Variants in RORB observed in about 807,000 individuals in gnomAD.
The protein encoded by RORB is RAR related orphan receptor B.
Under a neutral mutation model 59.1 loss-of-function variants are expected in RORB, and 6 were observed. That is an observed-to-expected ratio of 0.10 (90% CI 0.06 to 0.20). The LOEUF (loss-of-function observed/expected upper bound fraction) is 0.20. Ranked by LOEUF, RORB falls within the 10% of genes least tolerant of loss-of-function variation. The pLI is 1.00. For missense variants in RORB, 320 were observed against 560.5 expected (o/e 0.57, Z 4.33); for synonymous variants, 215 against 204.5 (o/e 1.05, Z -0.44).
intron 1 of RORB, among the ~76,000 whole-genome samples, chr9:74,605,543 GA>G (rs1335365259): frequency 1.3e-5 from 2 of 152,208 alleles, no homozygotes; most frequent in African/African-American, 4.8e-5. Context: ...GATTAAAGAG[GA>G]AAAGGCTTCT....
intron 1 of RORB, among the ~76,000 whole-genome samples, chr9:74,500,482 T>A (rs531643910): frequency 6.6e-6 from 1 of 152,200 alleles, no homozygotes; most frequent in African/African-American, 2.4e-5. Flanking sequence ...AAGCACCCTA[T>A]GTTGGGAGAG....
chr9:74,577,023 T>G (rs1822645958), intron 1 of RORB, among the ~76,000 whole-genome samples: 1 of 152,102 alleles, frequency 6.6e-6, no homozygotes, highest in African/African-American at 2.4e-5. Flanking sequence ...AGGCCAGTGC[T>G]CTAGAGGTTT....
At chr9:74,644,518 G>C (rs561346207) in intron 4 of RORB, among the ~76,000 whole-genome samples, 2 of 152,176 alleles carry the variant, frequency 1.3e-5, no homozygotes, top group South Asian at 4.2e-4. Flanking sequence ...CAGAGCCAGG[G>C]TTCACCTCAG....
At chr9:74,591,545 G>A (rs532452812) in intron 1 of RORB, among the ~76,000 whole-genome samples, 1 of 152,292 alleles carries the variant, frequency 6.6e-6, no homozygotes, top group East Asian at 1.9e-4. Flanking sequence ...GTGGATAGCT[G>A]ATACTACGTG....
intron 1 of RORB, among the ~76,000 whole-genome samples, chr9:74,542,739 A>G (rs1826428489): frequency 6.6e-6 from 1 of 152,182 alleles, no homozygotes; most frequent in East Asian, 1.9e-4. Context: ...TTCCAGTATT[A>G]ATTATCTAAG....
intron 1 of RORB, among the ~76,000 whole-genome samples, chr9:74,613,612 A>G (rs1823266187): frequency 6.6e-6 from 1 of 152,194 alleles, no homozygotes; most frequent in Non-Finnish European, 1.5e-5. Flanking sequence ...CTGGACATCA[A>G]TATTTTTAAG....
At chr9:74,611,472 C>T (rs1823230966) in intron 1 of RORB, among the ~76,000 whole-genome samples, 1 of 152,102 alleles carries the variant, frequency 6.6e-6, no homozygotes, top group Non-Finnish European at 1.5e-5. Flanking sequence ...TCTCTCATCC[C>T]CACTAAACAT....
intron 1 of RORB, among the ~76,000 whole-genome samples, chr9:74,519,857 A>G (rs1826058581): frequency 2.0e-5 from 3 of 152,032 alleles, no homozygotes; most frequent in Admixed American, 1.3e-4. Context: ...ATGCCTGACA[A>G]GCTGTGCCCA....
intron 4 of RORB, among the ~76,000 whole-genome samples, chr9:74,654,144 T>C (rs11144039): frequency 0.087 from 13,173 of 152,264 alleles, 942 homozygotes; most frequent in East Asian, 0.43. Flanking sequence ...CTTACACCTT[T>C]TTACATCGTC....
Position 74,531,653 on chromosome 9 carries a change from T to C in RORB, c.7+33670T>C, listed in dbSNP as rs184177926. On this transcript the variant is annotated intron_variant, in intron 1 of 9. Coordinates refer to ENST00000376896, the MANE Select transcript of RORB (RefSeq NM_006914.4). ...TAAATAGAATGACAATCAAGTTTTA[T>C]TGTTATTTGGCTCCTTTAATATACA... 3.4e-3 allele frequency among the ~76,000 whole-genome samples: 514 copies of C among 152,132 alleles called. 1 individual carries two copies. The highest frequency in any genetic ancestry group is 0.011 in the African/African-American group (477 of 41,544).
At chr9:74,572,292 A>G (rs904787888) in intron 1 of RORB, among the ~76,000 whole-genome samples, 2 of 152,188 alleles carry the variant, frequency 1.3e-5, no homozygotes, top group South Asian at 2.1e-4. Flanking sequence ...GAAAAAAAAT[A>G]TTATGGTCAG....
At chr9:74,563,753 A>G (rs147710481) in intron 1 of RORB, among the ~76,000 whole-genome samples, 6 of 152,316 alleles carry the variant, frequency 3.9e-5, no homozygotes, top group Non-Finnish European at 1.5e-5. Context: ...CTACAACTCT[A>G]GGGGAGGCTA....
At position 74,667,787 on chromosome 9, in the gene RORB, A is replaced by C; in HGVS notation, c.1001-4A>C. ...TTTATTCCATTTTTCTTCTTCCTTT[A>C]TAGGTTCTGATGACCTAGTGAATGA... is the stretch of plus-strand genomic sequence containing the variant. On this transcript the variant is annotated splice_region_variant and splice_polypyrimidine_tract_variant and intron_variant, in intron 7 of 9. Coordinates refer to ENST00000376896, the MANE Select transcript of RORB (RefSeq NM_006914.4). 6.3e-7 allele frequency: 1 copy of C among 1,582,164 alleles called. No individual in the cohort carries two copies. Among genetic ancestry groups the C allele is most frequent in the Non-Finnish European group, 8.7e-7 (1 of 1,151,138 alleles).
chr9:74,649,550 C>T (rs1823957851), intron 4 of RORB, among the ~76,000 whole-genome samples: 1 of 152,140 alleles, frequency 6.6e-6, no homozygotes, highest in African/African-American at 2.4e-5. Flanking sequence ...TACAGTTAAT[C>T]CCTAGGGTTA....
At chr9:74,559,380 T>C (rs142609872) in intron 1 of RORB, among the ~76,000 whole-genome samples, 96 of 152,284 alleles carry the variant, frequency 6.3e-4, no homozygotes, top group East Asian at 5.0e-3. Context: ...TTGACCTAGC[T>C]GCTCCTGCCA....
intron 1 of RORB, among the ~76,000 whole-genome samples, chr9:74,556,579 A>C (rs1183884065): frequency 2.0e-5 from 3 of 152,182 alleles, no homozygotes; most frequent in African/African-American, 7.2e-5. Context: ...CTGATGGCAT[A>C]GATGGTCTTA....
At chr9:74,656,505 G>A (rs1824084010) in intron 4 of RORB, among the ~76,000 whole-genome samples, 1 of 152,206 alleles carries the variant, frequency 6.6e-6, no homozygotes, top group Non-Finnish European at 1.5e-5. Flanking sequence ...GGAAGCCAAG[G>A]TGGGCAGATC....
chr9:74,536,001 C>A (rs1826317102), intron 1 of RORB, among the ~76,000 whole-genome samples: 1 of 151,952 alleles, frequency 6.6e-6, no homozygotes, highest in South Asian at 2.1e-4. Flanking sequence ...AACAGATATT[C>A]CCAAATGGAA....
intron 1 of RORB, among the ~76,000 whole-genome samples, chr9:74,499,604 T>A (rs1045519401): frequency 6.6e-6 from 1 of 152,042 alleles, no homozygotes; most frequent in East Asian, 1.9e-4. Flanking sequence ...ATTGTCCCGG[T>A]TGGGGGTTGG....
Sources: gnomAD v4.1 joint callset for allele counts (sites outside exome capture counted in the v4.1 genomes callset) on GRCh38, gnomAD v4.1.1 for gene constraint, MANE v1.5 for transcripts, NCBI Gene and HGNC (gene_info 2026-07-23, HGNC 2026-07-21) for gene names.